Variants in SHTN1 observed in about 807,000 individuals in gnomAD.
SHTN1 encodes shootin-1.
A neutral mutation model predicts 83.1 loss-of-function variants in SHTN1; 42 were observed. The observed-to-expected ratio is 0.51, with a 90% confidence interval of 0.39 to 0.65. SHTN1 has a LOEUF of 0.65. Among genes scored for constraint, SHTN1 ranks in the 30% least tolerant of loss-of-function variants. The pLI is 0.00. For synonymous variants in SHTN1, 224 were observed against 247.7 expected (o/e 0.90, Z 0.90); for missense variants, 622 against 737.8 (o/e 0.84, Z 1.82).
rs780291596 is a variant in SHTN1, at chr10:117,057,247, C to A, written c.-188-8737G>T. Among the ~76,000 whole-genome samples the A allele has an allele frequency of 9.7e-4, 147 of 152,194 alleles. 2 individuals carry two copies. The highest frequency in any genetic ancestry group is 1.4e-3 in the Non-Finnish European group (97 of 68,004). On this transcript the variant is annotated intron_variant, in intron 1 of 17. Transcript: ENST00000392901. ...AGAGGAAGACTTAAACAGTAAATTG[C>A]GGGTTAATTTTGGTGAATTTCAGCT... is the stretch of plus-strand genomic sequence containing the variant.
At chr10:116,958,135 G>A (rs971164892) in intron 4 of SHTN1, among the ~76,000 whole-genome samples, 1 of 151,968 alleles carries the variant, frequency 6.6e-6, no homozygotes, top group Non-Finnish European at 1.5e-5. Context: ...TTAATTTGAT[G>A]GCAAAAATTT....
chr10:116,952,953 G>A (rs1042578501), intron 5 of SHTN1, among the ~76,000 whole-genome samples: 4 of 152,130 alleles, frequency 2.6e-5, no homozygotes, highest in Non-Finnish European at 5.9e-5. Flanking sequence ...GTTCAAGCTC[G>A]AACAGAAAGG....
chr10:116,949,532 T>C (rs1176947795), intron 6 of SHTN1, among the ~76,000 whole-genome samples: 1 of 152,222 alleles, frequency 6.6e-6, no homozygotes, highest in African/African-American at 2.4e-5. Context: ...TCATTTTAAA[T>C]GTTGATTAGC....
intron 1 of SHTN1, among the ~76,000 whole-genome samples, chr10:117,066,512 T>C (rs537385359): frequency 6.6e-6 from 1 of 152,312 alleles, no homozygotes; most frequent in Admixed American, 6.5e-5. Context: ...TTTACACTTG[T>C]CTAGGTGACA....
At chr10:116,914,461 A>G (rs1848310076) in intron 13 of SHTN1, among the ~76,000 whole-genome samples, 1 of 150,574 alleles carries the variant, frequency 6.6e-6, no homozygotes, top group Admixed American at 6.6e-5. Flanking sequence ...ACAGAGTAAG[A>G]CTCCATCTAA....
intron 1 of SHTN1, among the ~76,000 whole-genome samples, chr10:117,125,565 T>C (rs948324580): frequency 1.3e-5 from 2 of 152,168 alleles, no homozygotes; most frequent in East Asian, 3.9e-4. Flanking sequence ...AGATCTTTAG[T>C]TTGGTCTTCA....
intron 3 of SHTN1, among the ~76,000 whole-genome samples, chr10:116,963,951 C>A (rs932288869): frequency 3.3e-5 from 5 of 150,514 alleles, no homozygotes; most frequent in African/African-American, 1.2e-4. Context: ...CAGTGTAGTA[C>A]ACATCACATT....
Position 117,089,265 on chromosome 10 carries a change from G to A in SHTN1, c.-189+37042C>T, listed in dbSNP as rs187907600. Among the ~76,000 whole-genome samples the A allele has an allele frequency of 4.5e-3, 679 of 152,204 alleles. 8 individuals are homozygous for A. The highest frequency in any genetic ancestry group is 0.016 in the African/African-American group (648 of 41,532). ...ATGTGGTGTGTACATTTTTCAAAAGGCTTGAAACAGTACACTTAAAACAAC... is the reference window on the plus strand; with the variant it reads ...ATGTGGTGTGTACATTTTTCAAAAGACTTGAAACAGTACACTTAAAACAAC... On this transcript the variant is annotated intron_variant, in intron 1 of 17. Transcript: ENST00000392901.
At chr10:117,047,554 C>T (rs1035499705) in intron 2 of SHTN1, among the ~76,000 whole-genome samples, 2 of 151,988 alleles carry the variant, frequency 1.3e-5, no homozygotes, top group Admixed American at 6.6e-5. Flanking sequence ...TACAGTTTGA[C>T]GGGGCTGTGA....
At chr10:116,891,809 A>G (rs1295181692) in intron 16 of SHTN1, among the ~76,000 whole-genome samples, 3 of 152,178 alleles carry the variant, frequency 2.0e-5, no homozygotes, top group African/African-American at 7.2e-5. Flanking sequence ...AACTTTCTAT[A>G]TTACTACCGA....
At chr10:116,983,653 TA>T (rs1851112537) in intron 1 of SHTN1, among the ~76,000 whole-genome samples, 1 of 79,306 alleles carries the variant, frequency 1.3e-5, no homozygotes, top group South Asian at 5.6e-4. Context: ...GATAGATAGA[TA>T]GATAGATAGA....
At chr10:116,981,332 GAAACA>G (rs942198923) in intron 1 of SHTN1, among the ~76,000 whole-genome samples, 5 of 152,068 alleles carry the variant, frequency 3.3e-5, no homozygotes, top group Admixed American at 6.5e-5. Flanking sequence ...AAAACAAAAC[GAAACA>G]AAACATTTTC....
At chr10:116,900,641 G>C in intron 16 of SHTN1, 6 of 1,513,994 alleles carry the variant, frequency 4.0e-6, no homozygotes, top group Non-Finnish European at 5.3e-6. Context: ...CTGGATATTG[G>C]TTCAAATGTA....
chr10:117,002,529 T>C (rs1208074486), intron 1 of SHTN1, among the ~76,000 whole-genome samples: 1 of 152,194 alleles, frequency 6.6e-6, no homozygotes, highest in African/African-American at 2.4e-5. Context: ...TAGTAACAGG[T>C]AGTAAAAATT....
intron 7 of SHTN1, among the ~76,000 whole-genome samples, chr10:116,946,088 C>G (rs1849563983): frequency 6.6e-6 from 1 of 151,454 alleles, no homozygotes; most frequent in Non-Finnish European, 1.5e-5. Flanking sequence ...AATAAAAATT[C>G]AAGGGAGGGG....
At chr10:117,055,806 T>G (rs967620317) in intron 1 of SHTN1, among the ~76,000 whole-genome samples, 1 of 152,200 alleles carries the variant, frequency 6.6e-6, no homozygotes, top group African/African-American at 2.4e-5. Flanking sequence ...AGTTCCAGAC[T>G]GCAGAGAGCT....
chr10:116,968,569 C>G, intron 3 of SHTN1, 83 bp downstream of exon 3: 1 of 939,200 alleles, frequency 1.1e-6, no homozygotes. Flanking sequence ...AGGACATTAG[C>G]AACTCAATAG....
chr10:116,933,895 G>C (rs1296114597), intron 9 of SHTN1, among the ~76,000 whole-genome samples: 1 of 152,134 alleles, frequency 6.6e-6, no homozygotes, highest in Non-Finnish European at 1.5e-5. Flanking sequence ...TTGTGGTTTT[G>C]ATTTGCATTT....
chr10:116,917,783 G>A (rs185249556), intron 12 of SHTN1, among the ~76,000 whole-genome samples: 395 of 152,262 alleles, frequency 2.6e-3, no homozygotes, highest in African/African-American at 8.8e-3. Flanking sequence ...ATTCAGAGAC[G>A]TGCCACTATC....
Sources: allele counts gnomAD v4.1 joint callset (sites outside exome capture counted in the v4.1 genomes callset), GRCh38; gene constraint gnomAD v4.1.1; transcripts MANE v1.5; gene names NCBI Gene and HGNC (gene_info 2026-07-23, HGNC 2026-07-21).